Variants in IGF2BP1 observed in about 807,000 individuals in gnomAD.
IGF2BP1 encodes the protein insulin-like growth factor 2 mRNA-binding protein 1.
A neutral mutation model predicts 74.9 loss-of-function variants in IGF2BP1; 11 were observed. The ratio of observed to expected loss-of-function variants is 0.15; its 90% CI spans 0.09 to 0.24. The LOEUF (loss-of-function observed/expected upper bound fraction) is 0.24, where lower values mean the gene tolerates loss of function less well. IGF2BP1 is among the 10% of genes least tolerant of loss of function. IGF2BP1 has a pLI of 1.00. For missense variants in IGF2BP1, 440 were observed against 757.4 expected, an observed-to-expected ratio of 0.58 and a Z score of 4.92; for synonymous variants, 287 against 281.8, an observed-to-expected ratio of 1.02 and a Z score of -0.18.
intron 5 of IGF2BP1, 32 bp downstream of exon 5, chr17:49,032,005 G>A (rs1213099979): frequency 3.3e-6 from 5 of 1,526,640 alleles, no homozygotes; most frequent in East Asian, 2.3e-5. Context: ...GCTGGGTGCG[G>A]TGGGGGGGGG....
At chr17:49,045,780 T>G in intron 12 of IGF2BP1, 110 bp from the exon 13 acceptor site, 1 of 1,145,700 alleles carries the variant, frequency 8.7e-7, no homozygotes, top group Non-Finnish European at 1.2e-6. Flanking sequence ...CCGCCTAGGA[T>G]GGGGAGGGCC....
chr17:49,013,201 A>G (rs1326573689), intron 2 of IGF2BP1, among the ~76,000 whole-genome samples: 1 of 149,794 alleles, frequency 6.7e-6, no homozygotes, highest in Admixed American at 6.6e-5. Flanking sequence ...ACACCCCAAA[A>G]GGGCTGAAAG....
In IGF2BP1 at chr17:49,025,753, T is replaced by C. The variant is rs1598142976; in HGVS notation, c.285+87T>C. 5 of 1,184,954 alleles carry C rather than the reference T, an allele frequency of 4.2e-6. No homozygotes were observed. In the East Asian group the frequency reaches 1.2e-4, roughly 28 times the overall value. 73.4% of individuals were successfully genotyped at this position (1,184,954 alleles called of 1,614,324 possible). A position where few individuals can be genotyped will look rare whatever the true frequency, so the allele number is the denominator to read the frequency against. On this transcript the variant is annotated intron_variant, in intron 3 of 14. Transcript: ENST00000290341. ...ACTAGCTGGAGTTGCCAGAAATGAT[T>C]GGGGAGGTCTGGGGCCAGGCTAGGG...
At chr17:49,020,044 AT>A (rs1348055031) in intron 2 of IGF2BP1, among the ~76,000 whole-genome samples, 2 of 25,594 alleles carry the variant, frequency 7.8e-5, no homozygotes, top group Non-Finnish European at 1.5e-4. Flanking sequence ...ATATGTATGT[AT>A]TTTTTTGGGG....
chr17:48,997,286 G>C (rs898311855), upstream of IGF2BP1: 1 of 152,940 alleles, frequency 6.5e-6, no homozygotes, highest in African/African-American at 2.4e-5. This position sits in a 1 kb window ranked among gnomAD's most constrained non-coding sequence, Gnocchi z 4.8. Flanking sequence ...GGGTTTGGCC[G>C]GAGGGCCGAG....
At chr17:49,036,196 G>T (rs1177349540) in intron 5 of IGF2BP1, among the ~76,000 whole-genome samples, 1 of 152,118 alleles carries the variant, frequency 6.6e-6, no homozygotes, top group African/African-American at 2.4e-5. Context: ...AAGTGTTGGG[G>T]CTGCGGCATC....
At chr17:49,045,724 A>C (rs528232612) in intron 12 of IGF2BP1, among the ~76,000 whole-genome samples, 166 bp from the exon 13 acceptor site, 1 of 152,364 alleles carries the variant, frequency 6.6e-6, no homozygotes, top group African/African-American at 2.4e-5. Flanking sequence ...AATGCTGACA[A>C]GCTGCCCACC....
intron 2 of IGF2BP1, among the ~76,000 whole-genome samples, chr17:49,022,954 G>A (rs920565558): frequency 6.6e-6 from 1 of 152,250 alleles, no homozygotes; most frequent in Non-Finnish European, 1.5e-5. Context: ...CCTTGAGGGA[G>A]GTCCTGGGCC....
chr17:49,037,483 T>A (rs2042003653), intron 5 of IGF2BP1: 1 of 236,216 alleles, frequency 4.2e-6, no homozygotes, highest in South Asian at 1.0e-4. Context: ...TGGAAGTCAT[T>A]TATAGTATAA....
chr17:49,029,625 T>G (rs754010394), intron 4 of IGF2BP1, among the ~76,000 whole-genome samples: 1 of 152,006 alleles, frequency 6.6e-6, no homozygotes, highest in African/African-American at 2.4e-5. Context: ...GTTAACTTTA[T>G]GTATTTATTT....
intron 1 of IGF2BP1, 110 bp downstream of exon 1, chr17:48,998,030 G>C: frequency 7.7e-7 from 1 of 1,297,014 alleles, no homozygotes; most frequent in South Asian, 1.4e-5. Context: ...GGCCTGCGGG[G>C]TTTGGCCTCC....
At chr17:49,004,508 G>GTC (rs1208728447) in intron 2 of IGF2BP1, 4 of 152,238 alleles carry the variant, frequency 2.6e-5, no homozygotes, top group Non-Finnish European at 5.9e-5. Flanking sequence ...AGTAGCTGGG[G>GTC]TCTTGGCCTG....
chr17:49,039,022 C>CAT, intron 6 of IGF2BP1, among the ~76,000 whole-genome samples: 1 of 151,772 alleles, frequency 6.6e-6, no homozygotes, highest in South Asian at 2.1e-4. Flanking sequence ...GGATTACAGG[C>CAT]GCGTGCCACC....
intron 11 of IGF2BP1, 75 bp downstream of exon 11, chr17:49,044,161 A>T: frequency 1.3e-6 from 2 of 1,549,420 alleles, no homozygotes; most frequent in Non-Finnish European, 1.7e-6. Flanking sequence ...ACTTTCTCCC[A>T]TATTCCCCCT....
At chr17:49,041,567 T>C (rs1598156725) in intron 8 of IGF2BP1, 67 bp downstream of exon 8, 1 of 1,591,658 alleles carries the variant, frequency 6.3e-7, no homozygotes, top group East Asian at 2.2e-5. Context: ...CAGTATTTCA[T>C]CATGGAACCT....
At position 49,054,983 on chromosome 17, in the gene IGF2BP1, A is replaced by T. The variant is rs1387218209; in HGVS notation, c.*5539A>T. On this transcript the variant is annotated 3_prime_UTR_variant, in exon 15 of 15. Transcript: ENST00000290341. ...CACCCACCCTCTAATGGACCTCCTC[A>T]TAGAAGCCCCATTTCACTTTTGTTT... 1 of 109,776 alleles carries T rather than the reference A, an allele frequency of 9.1e-6. No homozygotes were observed. Among genetic ancestry groups the T allele is most frequent in the Non-Finnish European group, 1.8e-5 (1 of 56,890 alleles). 6.8% of individuals were successfully genotyped at this position (109,776 alleles called of 1,614,324 possible). A position where few individuals can be genotyped will look rare whatever the true frequency, so the allele number is the denominator to read the frequency against.
chr17:49,000,865 T>C lies in IGF2BP1; in HGVS notation c.236+1696T>C, dbSNP rs1237830256. Among the ~76,000 whole-genome samples the C allele has an allele frequency of 2.6e-5, 4 of 152,030 alleles. No individual in the cohort carries two copies. In the East Asian group the frequency reaches 7.7e-4, roughly 29 times the overall value. ...TTGCTTTTAAGTCATTTCTAGGCCC[T>C]TTTTCCCTCCAAAATGCATTACTGA... On this transcript the variant is annotated intron_variant, in intron 2 of 14. Coordinates refer to ENST00000290341, the MANE Select transcript of IGF2BP1 (RefSeq NM_006546.4).
At chr17:49,043,154 A>G (rs2144134907) in intron 9 of IGF2BP1, among the ~76,000 whole-genome samples, 1 of 152,296 alleles carries the variant, frequency 6.6e-6, no homozygotes, top group Middle Eastern at 3.4e-3. Flanking sequence ...ACAGCCAGAG[A>G]GGAAGGACTC....
At chr17:49,027,035 C>G (rs2041866886) in intron 4 of IGF2BP1, among the ~76,000 whole-genome samples, 1 of 152,194 alleles carries the variant, frequency 6.6e-6, no homozygotes, top group Non-Finnish European at 1.5e-5. Flanking sequence ...GCCATTGCGC[C>G]CGGCCTCTGC....
Sources: gnomAD v4.1 joint callset for allele counts (sites outside exome capture counted in the v4.1 genomes callset) on GRCh38, gnomAD v4.1.1 for gene constraint, Gnocchi (gnomAD v3.1) non-coding constraint, MANE v1.5 for transcripts, NCBI Gene and HGNC (gene_info 2026-07-23, HGNC 2026-07-21) for gene names.